Variants in NLRP14 observed in about 807,000 individuals in gnomAD.
NLRP14 encodes the protein NACHT, LRR and PYD domains-containing protein 14.
In NLRP14, 105 loss-of-function variants were observed where a neutral mutation model predicts 94.7. The ratio of observed to expected loss-of-function variants is 1.11; its 90% CI spans 0.95 to 1.30. The LOEUF is 1.30. Among genes scored for constraint, NLRP14 ranks in the 50% most tolerant of loss-of-function variants. NLRP14 has a pLI of 0.00. For missense variants in NLRP14, 1,362 were observed against 1,254.1 expected (o/e 1.09, Z -1.30); for synonymous variants, 508 against 459.9 (o/e 1.10, Z -1.34).
At chr11:7,039,357 T>TTA (rs10533835) in intron 2 of NLRP14, among the ~76,000 whole-genome samples, 5,909 of 150,694 alleles carry the variant, frequency 0.039, 165 homozygotes, top group East Asian at 0.13. Context: ...GGCTTTAGAG[T>TTA]TATATATATA....
At chr11:7,089,654 C>T in the NLRP14 span, 11 of 1,391,776 alleles carry the variant, frequency 7.9e-6, no homozygotes, top group Non-Finnish European at 1.0e-5. Context: ...GTGGAATGCG[C>T]GGGAGGGCCC....
chr11:7,026,392 G>A (rs1270099119), intron 1 of NLRP14, among the ~76,000 whole-genome samples: 8 of 152,124 alleles, frequency 5.3e-5, no homozygotes, highest in Non-Finnish European at 1.0e-4. Flanking sequence ...GCAGCCAAAA[G>A]ACACATGAGA....
In NLRP14 at chr11:7,042,967, G is replaced by A; in HGVS notation, c.941G>A (p.Arg314Lys). The part of the protein sequence containing the change: ...LVTTRLTTSK[R>K]LKQLLKNHHY... Reference sequence around the variant, plus strand: ...ACAACAAGACTCACAACTTCTAAGAGACTAAAGCAGTTGTTGAAGAATCAC... The same window carrying A: ...ACAACAAGACTCACAACTTCTAAGAAACTAAAGCAGTTGTTGAAGAATCAC... Residue 314 changes from arginine (R) to lysine (K), a missense_variant, in exon 4 of 12, where the codon AGA (arginine) becomes AAA (lysine). Physicochemically the swap from Arg to Lys is conservative, Grantham distance 26. Coordinates refer to ENST00000299481, the MANE Select transcript of NLRP14 (RefSeq NM_176822.4). The A allele has an allele frequency of 6.2e-7, 1 of 1,614,096 alleles. No individual in the cohort carries two copies. The highest frequency in any genetic ancestry group is 8.5e-7 in the Non-Finnish European group (1 of 1,179,968).
At position 7,034,506 on chromosome 11, in the gene NLRP14, T is replaced by C. The variant is rs1020352855; in HGVS notation, c.-21-4060T>C. Among the ~76,000 whole-genome samples the C allele has an allele frequency of 5.9e-5, 9 of 152,214 alleles. No individual in the cohort carries two copies. The East Asian group carries it at 7.7e-4, about 13-fold the overall frequency. ...GGGCCTGGGTGGACATCTCCAATTGTAGTAGTTAATTCAAACAGTTTTAAA... is the reference window on the plus strand; with the variant it reads ...GGGCCTGGGTGGACATCTCCAATTGCAGTAGTTAATTCAAACAGTTTTAAA... On this transcript the variant is annotated intron_variant, in intron 1 of 11. Transcript: ENST00000299481.
downstream of NLRP14, among the ~76,000 whole-genome samples, chr11:7,074,063 C>G (rs960993028): frequency 6.6e-6 from 1 of 152,184 alleles, no homozygotes; most frequent in African/African-American, 2.4e-5. Context: ...CAACTACCAG[C>G]CATCTCATTA....
chr11:7,076,794 T>G, the NLRP14 span, among the ~76,000 whole-genome samples: 11 of 152,240 alleles, frequency 7.2e-5, no homozygotes, highest in Non-Finnish European at 1.5e-4. Context: ...GAGCCTTTTC[T>G]TCACTATTTT....
chr11:7,043,482 T>C lies in NLRP14; in HGVS notation c.1456T>C (p.Phe486Leu). The change falls in exon 4 of 12, where the codon TTT (phenylalanine) becomes CTT (leucine). Residue 486 changes from phenylalanine (F) to leucine (L), a missense_variant. Coordinates refer to ENST00000299481, the MANE Select transcript of NLRP14 (RefSeq NM_176822.4). ...GTTCACCCACCTTCATGTTCAGGAG[T>C]TTTTTGCAGCTATGTTCTATATGTT... ...YVFTHLHVQE[F>L]FAAMFYMLKG... is the part of the protein sequence containing the mutation. 1 of 1,613,464 alleles carries C rather than the reference T, an allele frequency of 6.2e-7. No homozygotes were observed. Among genetic ancestry groups the C allele is most frequent in the Non-Finnish European group, 8.5e-7 (1 of 1,179,856 alleles).
intron 1 of NLRP14, among the ~76,000 whole-genome samples, chr11:7,022,053 G>C (rs1482699600): frequency 1.3e-5 from 2 of 152,038 alleles, no homozygotes; most frequent in African/African-American, 4.8e-5. Flanking sequence ...GAATAACAAA[G>C]AGCACCAAGT....
At chr11:7,060,159 G>T in intron 9 of NLRP14, 95 bp downstream of exon 9, 1 of 1,127,244 alleles carries the variant, frequency 8.9e-7, no homozygotes, top group Non-Finnish European at 1.3e-6. Context: ...ATCTATCAGA[G>T]AAAAGAATAT....
rs78704039 is a variant in NLRP14, at chr11:7,046,537, C to T, written c.1959-131C>T. ...AAGACTTCCTGGTGGACTGTGCCCA[C>T]GGTGGAGCTGCACTGGATGCTCTTG... On this transcript the variant is annotated intron_variant, in intron 4 of 11. Coordinates refer to ENST00000299481, the MANE Select transcript of NLRP14 (RefSeq NM_176822.4). 614 of 814,900 alleles carry T rather than the reference C, an allele frequency of 7.5e-4. 5 individuals carry two copies. In the African/African-American group the frequency reaches 9.1e-3, roughly 12 times the overall value. The allele number at this position is 814,900 out of a possible 1,614,324, so 50.5% of individuals were successfully genotyped here.
chr11:7,075,433 ATC>A (rs1478291808), downstream of NLRP14, among the ~76,000 whole-genome samples: 1 of 152,246 alleles, frequency 6.6e-6, no homozygotes, highest in African/African-American at 2.4e-5. Flanking sequence ...AAAACCAATT[ATC>A]TCAATTTACA....
At chr11:7,079,532 A>G in the NLRP14 span, among the ~76,000 whole-genome samples, 1 of 152,268 alleles carries the variant, frequency 6.6e-6, no homozygotes, top group Non-Finnish European at 1.5e-5. Flanking sequence ...ACATTAAAAT[A>G]TTACTTAATA....
At chr11:7,030,808 C>G (rs183968640) in intron 1 of NLRP14, among the ~76,000 whole-genome samples, 1 of 152,310 alleles carries the variant, frequency 6.6e-6, no homozygotes, top group East Asian at 1.9e-4. Flanking sequence ...TCCTTCAAAG[C>G]TGGGGTTCAA....
chr11:7,089,294 C>T, the NLRP14 span: 19 of 1,607,026 alleles, frequency 1.2e-5, no homozygotes, highest in Admixed American at 3.0e-4. Context: ...CCTTTGAAAG[C>T]CCCGCAGACG....
chr11:7,064,564 C>A (rs1397828282), intron 10 of NLRP14, among the ~76,000 whole-genome samples: 1 of 152,064 alleles, frequency 6.6e-6, no homozygotes, highest in African/African-American at 2.4e-5. Context: ...TTGTGCCATC[C>A]CAGTGGCTAG....
chr11:7,067,257 A>G (rs2119710975), intron 10 of NLRP14, among the ~76,000 whole-genome samples: 1 of 152,304 alleles, frequency 6.6e-6, no homozygotes, highest in Middle Eastern at 3.4e-3. Context: ...TAGTAGCTTG[A>G]TGGGGATAGC....
At chr11:7,057,953 G>A (rs560940264) in intron 7 of NLRP14, 106 bp downstream of exon 7, 15 of 900,642 alleles carry the variant, frequency 1.7e-5, no homozygotes, top group South Asian at 1.2e-4. Context: ...TAACTGGCTC[G>A]TTTGTCAATT....
At chr11:7,080,852 T>C in the NLRP14 span, among the ~76,000 whole-genome samples, 1 of 152,220 alleles carries the variant, frequency 6.6e-6, no homozygotes, top group Non-Finnish European at 1.5e-5. Flanking sequence ...TCCTGGCCGA[T>C]TGTGGTCAGG....
the NLRP14 span, among the ~76,000 whole-genome samples, chr11:7,083,395 A>C: frequency 6.6e-6 from 1 of 152,208 alleles, no homozygotes; most frequent in African/African-American, 2.4e-5. Context: ...GTCTGATGAA[A>C]TGTTACTTGG....
Sources: allele counts gnomAD v4.1 joint callset (sites outside exome capture counted in the v4.1 genomes callset), GRCh38; gene constraint gnomAD v4.1.1; transcripts MANE v1.5; gene names NCBI Gene and HGNC (gene_info 2026-07-23, HGNC 2026-07-21).